OSBPL10: variants seen among roughly 807,000 people sequenced by gnomAD.
OSBPL10 encodes the protein oxysterol-binding protein-related protein 10.
Under a neutral mutation model 81.7 loss-of-function variants are expected in OSBPL10, and 49 were observed. The ratio of observed to expected loss-of-function variants is 0.60; its 90% CI spans 0.48 to 0.76. The LOEUF (loss-of-function observed/expected upper bound fraction) is 0.76. Ranked by LOEUF, OSBPL10 falls within the 30% of genes least tolerant of loss-of-function variation. OSBPL10 has a pLI of 0.00. For synonymous variants in OSBPL10, 419 were observed against 383.6 expected (o/e 1.09, Z -1.08); for missense variants, 923 against 987.8 (o/e 0.93, Z 0.88).
At chr3:31,939,536 G>A (rs554186023) in intron 1 of OSBPL10, among the ~76,000 whole-genome samples, 6 of 151,334 alleles carry the variant, frequency 4.0e-5, no homozygotes, top group Admixed American at 3.9e-4. Flanking sequence ...CAAGCTTCTA[G>A]ATTTATCTCT....
intron 3 of OSBPL10, among the ~76,000 whole-genome samples, chr3:31,849,900 C>T (rs543893188): frequency 3.9e-5 from 6 of 152,134 alleles, no homozygotes; most frequent in Non-Finnish European, 8.8e-5. Context: ...CATGCCGGCT[C>T]ACACCTGTAA....
chr3:31,968,819 A>C (rs1447337127), intron 1 of OSBPL10, among the ~76,000 whole-genome samples: 1 of 152,242 alleles, frequency 6.6e-6, no homozygotes, highest in African/African-American at 2.4e-5. Flanking sequence ...GGGCCAAGGT[A>C]TCAGCTGCAG....
intron 1 of OSBPL10, among the ~76,000 whole-genome samples, chr3:32,056,467 G>A (rs1209392796): frequency 6.6e-6 from 1 of 152,212 alleles, no homozygotes; most frequent in Non-Finnish European, 1.5e-5. Flanking sequence ...GTATATTGCT[G>A]TTGTACTCTT....
chr3:32,017,375 T>C (rs1387278370), intron 2 of OSBPL10, among the ~76,000 whole-genome samples: 1 of 152,216 alleles, frequency 6.6e-6, no homozygotes, highest in East Asian at 1.9e-4. Context: ...TACACATTTT[T>C]ACTCTACCAA....
rs1476575364 is a variant in OSBPL10 at position 31,956,615 on chromosome 3, C to G, written c.281+24284G>C. On this transcript the variant is annotated intron_variant, in intron 1 of 11. Coordinates refer to ENST00000396556, the MANE Select transcript of OSBPL10 (RefSeq NM_017784.5). ...TGGTGGCGGGCACCTGTATTCCCAG[C>G]CACTCAGGAGACTGAGGCAGGAGAA... Among the ~76,000 whole-genome samples, 4 of 152,200 alleles carry G rather than the reference C, an allele frequency of 2.6e-5. No homozygotes were observed. The South Asian group carries it at 6.2e-4, about 24-fold the overall frequency.
Position 31,662,004 on chromosome 3 carries a change from G to C in OSBPL10, c.*68C>G, listed in dbSNP as rs1300492509. 1.3e-6 allele frequency: 2 copies of C among 1,586,914 alleles called. No individual in the cohort carries two copies. The highest frequency in any genetic ancestry group is 1.8e-5 in the Admixed American group (1 of 54,740). Reference sequence around the variant, plus strand: ...TCTCAGTGAATGCCAACAAAACCCTGATACTCTACTACTTTAATATTCCTA... The same window carrying C: ...TCTCAGTGAATGCCAACAAAACCCTCATACTCTACTACTTTAATATTCCTA... On this transcript the variant is annotated 3_prime_UTR_variant, in exon 12 of 12. Transcript: ENST00000396556.
At chr3:31,820,456 G>A (rs1408831702) in intron 4 of OSBPL10, among the ~76,000 whole-genome samples, 5 of 152,026 alleles carry the variant, frequency 3.3e-5, no homozygotes, top group African/African-American at 1.2e-4. Flanking sequence ...TTAGCCGGGT[G>A]CCGTGACGCA....
In OSBPL10 at chr3:31,786,892, C is replaced by A. The variant is rs146222678; in HGVS notation, c.730-38772G>T. On this transcript the variant is annotated intron_variant, in intron 4 of 11. Transcript: ENST00000396556. ...GCATGGGCCAGACCAGCAGCAGCAG[C>A]TTTTTAATCTGGCAGACACAGATCT... 2.0e-5 allele frequency among the ~76,000 whole-genome samples: 3 copies of A among 152,276 alleles called. No homozygotes were observed. In the East Asian group the frequency reaches 5.8e-4, roughly 29 times the overall value.
intron 10 of OSBPL10, among the ~76,000 whole-genome samples, chr3:31,666,131 G>C (rs935618393): frequency 6.6e-5 from 10 of 152,196 alleles, no homozygotes; most frequent in African/African-American, 2.4e-4. Flanking sequence ...CTTGCTCTGA[G>C]GAGGGGAGGG....
At chr3:31,729,462 C>A (rs763603492) in intron 6 of OSBPL10, among the ~76,000 whole-genome samples, 1 of 152,160 alleles carries the variant, frequency 6.6e-6, no homozygotes, top group Non-Finnish European at 1.5e-5. Flanking sequence ...TACTCTGTCG[C>A]CCAGGCTGGA....
intron 4 of OSBPL10, among the ~76,000 whole-genome samples, chr3:31,751,375 CAAATAAAATAAAATA>C (rs146565470): frequency 0.48 from 72,851 of 150,682 alleles, 17,866 homozygotes; most frequent in East Asian, 0.64. Context: ...AACAAACAAA[CAAATAAAATAAAATA>C]AAATAAAATA....
chr3:31,928,663 C>G (rs1358786987), intron 1 of OSBPL10, among the ~76,000 whole-genome samples: 1 of 150,980 alleles, frequency 6.6e-6, no homozygotes, highest in East Asian at 2.0e-4. Context: ...GTCTGTAGTC[C>G]TAGCTACTCA....
chr3:31,989,287 A>G (rs1698988494), intron 2 of OSBPL10: 8 of 1,614,122 alleles, frequency 5.0e-6, no homozygotes, highest in Non-Finnish European at 6.8e-6. Flanking sequence ...TTCCAAATGC[A>G]TGATGAAGAA....
At chr3:31,762,330 C>T (rs1698069361) in intron 4 of OSBPL10, among the ~76,000 whole-genome samples, 1 of 152,198 alleles carries the variant, frequency 6.6e-6, no homozygotes, top group African/African-American at 2.4e-5. Context: ...ACAGCCACTA[C>T]ACAAATGATA....
At chr3:31,791,981 C>T (rs1372390388) in intron 4 of OSBPL10, among the ~76,000 whole-genome samples, 1 of 152,034 alleles carries the variant, frequency 6.6e-6, no homozygotes, top group Non-Finnish European at 1.5e-5. Context: ...TGCGGTGGTT[C>T]ACACCTGTAG....
rs764483245 is a variant in OSBPL10, at chr3:31,879,729, A to G, written c.383T>C (p.Ile128Thr). The change falls in exon 2 of 12, where the codon ATA (isoleucine) becomes ACA (threonine). Residue 128 changes from isoleucine to threonine, a missense_variant. Ile to Thr is a moderately conservative substitution (Grantham distance 89). Coordinates refer to ENST00000396556, the MANE Select transcript of OSBPL10 (RefSeq NM_017784.5). ...PRGVLSLSGA[I>T]VSLSDEAPHM... is the part of the protein sequence containing the mutation. ...GGGAGCTTCATCGCTCAGGGACACT[A>G]TGGCTCCAGATAAAGACAGGACTCC... The G allele has an allele frequency of 1.9e-6, 3 of 1,614,048 alleles. No homozygotes were observed. The highest frequency in any genetic ancestry group is 2.7e-5 in the African/African-American group (2 of 74,898).
intron 1 of OSBPL10, among the ~76,000 whole-genome samples, chr3:32,049,000 T>C (rs1699648127): frequency 2.0e-5 from 3 of 151,800 alleles, no homozygotes; most frequent in Admixed American, 2.0e-4. Context: ...AGTTTACAAA[T>C]GCCATTGCAA....
At chr3:32,030,637 C>G in intron 2 of OSBPL10, 1 of 1,426,206 alleles carries the variant, frequency 7.0e-7, no homozygotes. Flanking sequence ...TGGGAAGTAG[C>G]CTGAGCTGCT....
At chr3:31,784,307 AGCCAAGATCATG>A (rs2125778439) in intron 4 of OSBPL10, among the ~76,000 whole-genome samples, 1 of 151,910 alleles carries the variant, frequency 6.6e-6, no homozygotes, top group Non-Finnish European at 1.5e-5. Flanking sequence ...GGTTGCAGAG[AGCCAAGATCATG>A]GCCACTGCAC....
Sources: allele counts gnomAD v4.1 joint callset (sites outside exome capture counted in the v4.1 genomes callset), GRCh38; gene constraint gnomAD v4.1.1; transcripts MANE v1.5; gene names NCBI Gene and HGNC (gene_info 2026-07-23, HGNC 2026-07-21).